The following MARCHF7 variants were observed in gnomAD, a reference collection of about 807,000 sequenced individuals.
The protein encoded by MARCHF7 is E3 ubiquitin-protein ligase MARCHF7.
A neutral mutation model predicts 76.5 loss-of-function variants in MARCHF7; 20 were observed. The ratio of observed to expected loss-of-function variants is 0.26; its 90% CI spans 0.18 to 0.38. The LOEUF (loss-of-function observed/expected upper bound fraction) is 0.38, where lower values mean the gene tolerates loss of function less well. Ranked by LOEUF, MARCHF7 falls within the 10% of genes least tolerant of loss-of-function variation. The pLI, the probability that MARCHF7 is intolerant of heterozygous loss-of-function variation, is 1.00. For missense variants in MARCHF7, 797 were observed against 812.9 expected, an observed-to-expected ratio of 0.98 and a Z score of 0.24; for synonymous variants, 295 against 293.0, an observed-to-expected ratio of 1.01 and a Z score of -0.07.
Position 159,741,029 on chromosome 2 carries a change from A to G in MARCHF7, c.154-2032A>G, listed in dbSNP as rs111532213. Among the ~76,000 whole-genome samples the G allele has an allele frequency of 5.4e-3, 820 of 152,316 alleles. 5 individuals are homozygous for G. Among genetic ancestry groups the G allele is most frequent in the African/African-American group, 0.019 (779 of 41,574 alleles). ...CCCATCTCTATAAAAAATAAATTTA[A>G]AAATTAATAATTGAAGTATAATAGA... On this transcript the variant is annotated intron_variant, in intron 4 of 11. Transcript: ENST00000409175.
At position 159,770,769 on chromosome 2, in the gene MARCHF7, C is replaced by CCAT. The variant is rs1303787221; in HGVS notation, c.*3429_*3431dup. ...TAGGTTTGGGACAAAATAGGCTCTA[C>CCAT]CATCTGGGTTTGTGTAAATACAAGC... On this transcript the variant is annotated 3_prime_UTR_variant, in exon 12 of 12. Coordinates refer to ENST00000409175, the MANE Select transcript of MARCHF7 (RefSeq NM_001282805.2). The CCAT allele has an allele frequency of 4.6e-5, 7 of 152,116 alleles. No homozygotes were observed. In the East Asian group the frequency reaches 1.3e-3, roughly 29 times the overall value. 9.4% of individuals were successfully genotyped at this position (152,116 alleles called of 1,614,324 possible).
At chr2:159,753,755 T>TA (rs1705958331) in intron 8 of MARCHF7, among the ~76,000 whole-genome samples, 1 of 152,178 alleles carries the variant, frequency 6.6e-6, no homozygotes, top group African/African-American at 2.4e-5. Context: ...AGGAGTCTAT[T>TA]ATCAGAGCAC....
intron 9 of MARCHF7, 154 bp downstream of exon 9, chr2:159,759,489 G>T: frequency 2.6e-6 from 1 of 379,620 alleles, no homozygotes; most frequent in Non-Finnish European, 4.7e-6. Context: ...TGCATTAGGT[G>T]TTAGAATTTC....
intron 4 of MARCHF7, among the ~76,000 whole-genome samples, chr2:159,738,390 A>C (rs1007387369): frequency 6.6e-6 from 1 of 152,112 alleles, no homozygotes; most frequent in Non-Finnish European, 1.5e-5. Context: ...ATGTTTCAGC[A>C]CTGTTTGTGT....
chr2:159,756,687 CAAAAAAAA>C lies in MARCHF7; in HGVS notation c.1784-2519_1784-2512del, dbSNP rs869261420. On this transcript the variant is annotated intron_variant, in intron 8 of 11. Coordinates refer to ENST00000409175, the MANE Select transcript of MARCHF7 (RefSeq NM_001282805.2). ...GGGTGACAAGAGTGACACTCAGTCTCAAAAAAAAAAAAAAAAAAAAAAAAAAACAGATG... is the reference window on the plus strand; with the variant it reads ...GGGTGACAAGAGTGACACTCAGTCTCAAAAAAAAAAAAAAAAAAACAGATG... Among the ~76,000 whole-genome samples, 16 of 64,214 alleles carry C rather than the reference CAAAAAAAA, an allele frequency of 2.5e-4. No individual in the cohort carries two copies. In the South Asian group the frequency reaches 3.3e-3, roughly 13 times the overall value. 42.1% of individuals were successfully genotyped at this position (64,214 alleles called of 152,430 possible).
chr2:159,753,978 G>T (rs1044730656), intron 8 of MARCHF7, among the ~76,000 whole-genome samples: 11 of 152,210 alleles, frequency 7.2e-5, no homozygotes, highest in African/African-American at 2.7e-4. Context: ...GAAATAGGAA[G>T]CTGAAAAGGG....
At chr2:159,756,950 T>C (rs1369561964) in intron 8 of MARCHF7, among the ~76,000 whole-genome samples, 1 of 152,188 alleles carries the variant, frequency 6.6e-6, no homozygotes, top group Non-Finnish European at 1.5e-5. Flanking sequence ...TGGAGTGCAG[T>C]GGCACAATCT....
At chr2:159,727,843 C>T (rs949012453) in intron 3 of MARCHF7, among the ~76,000 whole-genome samples, 3 of 152,196 alleles carry the variant, frequency 2.0e-5, no homozygotes, top group Non-Finnish European at 4.4e-5. Flanking sequence ...TCCGTTTATA[C>T]GTATTTAATA....
intron 3 of MARCHF7, among the ~76,000 whole-genome samples, chr2:159,725,143 A>C (rs1702021884): frequency 6.6e-6 from 1 of 152,178 alleles, no homozygotes; most frequent in Non-Finnish European, 1.5e-5. Context: ...CAGTAAACAT[A>C]CTTGTGCATG....
rs566854260 is a variant in MARCHF7 at position 159,762,992 on chromosome 2, G to A, written c.2006G>A (p.Arg669Gln). 4.4e-6 allele frequency: 7 copies of A among 1,605,528 alleles called. No homozygotes were observed. Among genetic ancestry groups the A allele is most frequent in the South Asian group, 2.2e-5 (2 of 90,304 alleles). The change falls in exon 10 of 12, where the codon CGA becomes CAA. Residue 669 changes from arginine to glutamine, a missense_variant and splice_region_variant. By Grantham distance (43) the Arg-to-Gln change is conservative (BLOSUM62 1). This residue lies in a region of MARCHF7 where 124 missense variants were observed against 121.3 expected (regional missense o/e 1.02). Transcript: ENST00000409175. ...GNTNEPSTRV[R>Q]FINLARTLQA... Reference sequence around the variant, plus strand: ...ACAAATGAACCAAGCACACGTGTCCGAGTAAGTAATAATGAAGTTGGGGAG... The same window carrying A: ...ACAAATGAACCAAGCACACGTGTCCAAGTAAGTAATAATGAAGTTGGGGAG...
intron 4 of MARCHF7, among the ~76,000 whole-genome samples, chr2:159,731,057 T>A (rs1702728171): frequency 1.3e-5 from 2 of 152,100 alleles, no homozygotes; most frequent in Admixed American, 1.3e-4. Flanking sequence ...CATGCCTAGC[T>A]AATTTTTGTG....
intron 8 of MARCHF7, 126 bp downstream of exon 8, chr2:159,752,697 C>T: frequency 1.1e-6 from 1 of 884,344 alleles, no homozygotes; most frequent in Non-Finnish European, 1.6e-6. Flanking sequence ...TTTTTGAAGT[C>T]TCAGCAGAAG....
At chr2:159,746,032 A>G (rs1411565762) in intron 6 of MARCHF7, 95 bp downstream of exon 6, 2 of 957,134 alleles carry the variant, frequency 2.1e-6, no homozygotes, top group South Asian at 1.8e-5. Context: ...AGTAAAGTGT[A>G]TATTTTGTCT....
At chr2:159,747,488 T>C (rs1162102404) in intron 6 of MARCHF7, among the ~76,000 whole-genome samples, 2 of 152,174 alleles carry the variant, frequency 1.3e-5, no homozygotes, top group Non-Finnish European at 2.9e-5. Context: ...CTAGATATTA[T>C]TGTATCATAC....
intron 8 of MARCHF7, among the ~76,000 whole-genome samples, chr2:159,756,687 C>CAAAAAAAAAAAAAAAAAAAAAAAAAA (rs869261420): frequency 1.6e-5 from 1 of 64,214 alleles, no homozygotes; most frequent in Non-Finnish European, 2.7e-5. Flanking sequence ...CACTCAGTCT[C>CAAAAAAAAAAAAAAAAAAAAAAAAAA]AAAAAAAAAA....
At chr2:159,742,606 G>T (rs999817348) in intron 4 of MARCHF7, among the ~76,000 whole-genome samples, 1 of 152,064 alleles carries the variant, frequency 6.6e-6, no homozygotes, top group Non-Finnish European at 1.5e-5. Flanking sequence ...CAATTATAGT[G>T]TATAGTAAAT....
At chr2:159,764,239 T>TGTGTGTGTGTGCAC (rs1707460852) in intron 10 of MARCHF7, among the ~76,000 whole-genome samples, 1 of 147,852 alleles carries the variant, frequency 6.8e-6, no homozygotes, top group African/African-American at 2.6e-5. Flanking sequence ...TGTGTGTGTG[T>TGTGTGTGTGTGCAC]GTGTGTGTGT....
At chr2:159,719,296 G>C (rs1182667907) in intron 3 of MARCHF7, among the ~76,000 whole-genome samples, 3 of 151,920 alleles carry the variant, frequency 2.0e-5, no homozygotes, top group Non-Finnish European at 4.4e-5. Context: ...TCCTGCCCTG[G>C]CCTCCCAAAG....
intron 11 of MARCHF7, among the ~76,000 whole-genome samples, chr2:159,766,316 T>TA (rs1334041046): frequency 1.3e-5 from 2 of 152,192 alleles, no homozygotes; most frequent in Non-Finnish European, 1.5e-5. Flanking sequence ...AGTCATGACT[T>TA]AGTTATATGC....
Sources: gnomAD v4.1 joint callset for allele counts (sites outside exome capture counted in the v4.1 genomes callset) on GRCh38, gnomAD v4.1.1 for gene constraint, gnomAD v4.1.1 regional missense constraint, MANE v1.5 for transcripts, NCBI Gene and HGNC (gene_info 2026-07-23, HGNC 2026-07-21) for gene names.